Variants in NFXL1 observed in about 807,000 individuals in gnomAD.
NFXL1 encodes NF-X1-type zinc finger protein NFXL1.
In NFXL1, 66 loss-of-function variants were observed where a neutral mutation model predicts 123.3. That is an observed-to-expected ratio of 0.54 (90% CI 0.44 to 0.66). The LOEUF is 0.66. NFXL1 is among the 30% of genes least tolerant of loss of function. NFXL1 has a pLI of 0.00. For missense variants in NFXL1, 944 were observed against 1,125.6 expected, an observed-to-expected ratio of 0.84 and a Z score of 2.31; for synonymous variants, 346 against 360.8, an observed-to-expected ratio of 0.96 and a Z score of 0.46.
At chr4:47,905,044 T>C (rs2110105221) in intron 4 of NFXL1, among the ~76,000 whole-genome samples, 193 bp downstream of exon 4, 1 of 152,346 alleles carries the variant, frequency 6.6e-6, no homozygotes, top group African/African-American at 2.4e-5. Flanking sequence ...GTGCTAAAAA[T>C]ACTGGATACT....
At chr4:47,885,158 T>C (rs1016607725) in intron 14 of NFXL1, among the ~76,000 whole-genome samples, 17 of 150,708 alleles carry the variant, frequency 1.1e-4, no homozygotes, top group African/African-American at 3.4e-4. Context: ...TAAAAATAAA[T>C]AAATATTAAA....
intron 4 of NFXL1, among the ~76,000 whole-genome samples, chr4:47,903,999 T>C (rs1378646012): frequency 6.6e-6 from 1 of 152,252 alleles, no homozygotes; most frequent in African/African-American, 2.4e-5. Flanking sequence ...TTACAACTGT[T>C]TGATAAAATC....
At chr4:47,895,550 T>C (rs928740192) in intron 10 of NFXL1, among the ~76,000 whole-genome samples, 2 of 152,220 alleles carry the variant, frequency 1.3e-5, no homozygotes, top group Non-Finnish European at 2.9e-5. Flanking sequence ...TTAAACTTCA[T>C]GAACCAACCT....
At position 47,851,870 on chromosome 4, in the gene NFXL1, G is replaced by T. The variant is rs377222212; in HGVS notation, c.2494C>A (p.Arg832=). Reference sequence around the variant, plus strand: ...CGAGACATTACCTCAGATGCTTTCCGCTTCATTTCCTTGCACGTTGTGTCA... The same window carrying T: ...CGAGACATTACCTCAGATGCTTTCCTCTTCATTTCCTTGCACGTTGTGTCA... ...ECDTTCKEMK[R]KASEIKEAEA... is the part of the protein sequence containing the mutation. Residue 832 remains arginine (R), a synonymous_variant, in exon 21 of 23, where the codon CGG becomes AGG. Coordinates refer to ENST00000507489, the MANE Select transcript of NFXL1 (RefSeq NM_001278624.2). 1.9e-6 allele frequency: 3 copies of T among 1,603,568 alleles called. No homozygotes were observed. The highest frequency in any genetic ancestry group is 3.3e-4 in the Middle Eastern group (2 of 6,040).
At position 47,908,847 on chromosome 4, in the gene NFXL1, C is replaced by T. The variant is rs981567921; in HGVS notation, c.406+1977G>A. Reference sequence around the variant, plus strand: ...GCGGGCACCTGTAGTCCCAGCTACTCGGGAGGCTGAGGCAGGAGATTGGCA... The same window carrying T: ...GCGGGCACCTGTAGTCCCAGCTACTTGGGAGGCTGAGGCAGGAGATTGGCA... On this transcript the variant is annotated intron_variant, in intron 3 of 22. Coordinates refer to ENST00000507489, the MANE Select transcript of NFXL1 (RefSeq NM_001278624.2). Among the ~76,000 whole-genome samples the T allele has an allele frequency of 3.4e-5, 5 of 146,440 alleles. No homozygotes were observed. In the South Asian group the frequency reaches 6.6e-4, roughly 19 times the overall value.
At chr4:47,880,407 C>T (rs1391128448) in intron 15 of NFXL1, among the ~76,000 whole-genome samples, 1 of 108,534 alleles carries the variant, frequency 9.2e-6, no homozygotes, top group African/African-American at 3.7e-5. Flanking sequence ...GCCTGGGTGA[C>T]AGAACTGAGA....
At position 47,899,664 on chromosome 4, in the gene NFXL1, G is replaced by C. The variant is rs1043156544; in HGVS notation, c.648-116C>G. 6.9e-5 allele frequency: 45 copies of C among 647,748 alleles called. No homozygotes were observed. In the African/African-American group the frequency reaches 7.7e-4, roughly 11 times the overall value. The allele number at this position is 647,748 out of a possible 1,614,324, so 40.1% of individuals were successfully genotyped here. ...AATTAGTTTTATGTTAAGGAACTCT[G>C]CTCCATCTTTGTGTTAGTGAAAAAA... On this transcript the variant is annotated intron_variant, in intron 5 of 22. Transcript: ENST00000507489.
At chr4:47,853,231 T>A (rs1326065338) in intron 20 of NFXL1, among the ~76,000 whole-genome samples, 2 of 152,094 alleles carry the variant, frequency 1.3e-5, no homozygotes, top group African/African-American at 4.8e-5. Flanking sequence ...ATAAACAGTA[T>A]AATCATCTGT....
Position 47,885,871 on chromosome 4 carries a change from A to G in NFXL1, c.1664+8T>C, listed in dbSNP as rs753599112. ...CAGATGGAAGCTTGTGCAAAGCTTC[A>G]AACTCACCTGCATTGCTCCTTGCAC... is the stretch of plus-strand genomic sequence containing the variant. On this transcript the variant is annotated splice_region_variant and intron_variant, in intron 13 of 22. Transcript: ENST00000507489. 1.7e-5 allele frequency: 28 copies of G among 1,608,440 alleles called. No homozygotes were observed. The highest frequency in any genetic ancestry group is 2.4e-5 in the Non-Finnish European group (28 of 1,178,538).
intron 18 of NFXL1, 150 bp downstream of exon 18, chr4:47,874,977 A>G (rs918873068): frequency 3.1e-5 from 14 of 450,886 alleles, no homozygotes; most frequent in Non-Finnish European, 4.0e-6. Flanking sequence ...CAGAAAGTGT[A>G]GTATTCTACA....
At position 47,900,271 on chromosome 4, in the gene NFXL1, G is replaced by A. The variant is rs145554018; in HGVS notation, c.648-723C>T. Among the ~76,000 whole-genome samples the A allele has an allele frequency of 3.7e-3, 569 of 151,962 alleles. 5 individuals are homozygous for A. The highest frequency in any genetic ancestry group is 5.7e-3 in the Non-Finnish European group (389 of 67,978). ...GTCACCCAGGCTGGAGTATAGTGGC[G>A]CAATCTCGGCTCACTGCAACCTCTG... On this transcript the variant is annotated intron_variant, in intron 5 of 22. Coordinates refer to ENST00000507489, the MANE Select transcript of NFXL1 (RefSeq NM_001278624.2).
rs771628302 is a variant in NFXL1 at position 47,885,656 on chromosome 4, G to A, written c.1666C>T (p.Arg556Ter). The change falls in exon 14 of 23, where the codon CGA (arginine) becomes TGA (stop). Residue 556 changes from arginine to a stop codon, truncating the protein, a stop_gained and splice_region_variant. Transcript: ENST00000507489. LOFTEE classifies it high-confidence loss of function. Reference protein sequence around the residue: ...RPPKCKEQCSRPPTCHHTSQE... With the variant: ...RPPKCKEQCS ...CTTGTATGATGACAAGTTGGTGGTC[G>A]ACTAAATCATAAAGTACAATTTTCA... 1 of 1,609,904 alleles carries A rather than the reference G, an allele frequency of 6.2e-7. No homozygotes were observed. Among genetic ancestry groups the A allele is most frequent in the Non-Finnish European group, 8.5e-7 (1 of 1,177,076 alleles).
At chr4:47,868,081 C>T (rs1735205253) in intron 18 of NFXL1, among the ~76,000 whole-genome samples, 1 of 152,054 alleles carries the variant, frequency 6.6e-6, no homozygotes, top group Non-Finnish European at 1.5e-5. Context: ...TTTGGGAGGC[C>T]GAGGCGGGTG....
intron 19 of NFXL1, among the ~76,000 whole-genome samples, chr4:47,862,218 GAC>G (rs1560583108): frequency 6.6e-6 from 1 of 152,074 alleles, no homozygotes; most frequent in East Asian, 1.9e-4. Flanking sequence ...ACTACTTTTT[GAC>G]AGTTTTAGTT....
chr4:47,870,264 A>T (rs1169431169), intron 18 of NFXL1, among the ~76,000 whole-genome samples: 2 of 152,256 alleles, frequency 1.3e-5, no homozygotes, highest in Non-Finnish European at 2.9e-5. Context: ...TAATACAATT[A>T]ATGAACATTT....
chr4:47,868,986 T>C (rs9994204), intron 18 of NFXL1, among the ~76,000 whole-genome samples: 22,983 of 152,130 alleles, frequency 0.15, 1,956 homozygotes, highest in East Asian at 0.31. Flanking sequence ...TTTAGGAAGC[T>C]GAGGCAGGAG....
At chr4:47,894,774 GAACTC>G (rs1736982531) in intron 10 of NFXL1, among the ~76,000 whole-genome samples, 1 of 152,044 alleles carries the variant, frequency 6.6e-6, no homozygotes, top group South Asian at 2.1e-4. Context: ...AACTTCTTAT[GAACTC>G]CAGTTAATGT....
intron 2 of NFXL1, 103 bp downstream of exon 2, chr4:47,913,866 G>T: frequency 1.3e-6 from 1 of 751,996 alleles, no homozygotes; most frequent in South Asian, 2.3e-5. Flanking sequence ...TCCCGAACGA[G>T]GGGAAAAGCA....
At chr4:47,868,053 C>T (rs142944911) in intron 18 of NFXL1, among the ~76,000 whole-genome samples, 15 of 152,256 alleles carry the variant, frequency 9.9e-5, no homozygotes, top group Non-Finnish European at 1.8e-4. Flanking sequence ...CAGTGGCTCA[C>T]GCCTGTAATC....
Sources: gnomAD v4.1 joint callset for allele counts (sites outside exome capture counted in the v4.1 genomes callset) on GRCh38, gnomAD v4.1.1 for gene constraint, MANE v1.5 for transcripts, NCBI Gene and HGNC (gene_info 2026-07-23, HGNC 2026-07-21) for gene names.